Variants in ECHS1 observed in about 807,000 individuals in gnomAD.
ECHS1 encodes enoyl-CoA hydratase, short chain 1.
Under a neutral mutation model 33.5 loss-of-function variants are expected in ECHS1, and 19 were observed. The observed-to-expected ratio is 0.57, with a 90% confidence interval of 0.40 to 0.83. The LOEUF is 0.83. Among genes scored for constraint, ECHS1 ranks in the 40% least tolerant of loss-of-function variants. The pLI, the probability that ECHS1 is intolerant of heterozygous loss-of-function variation, is 0.00. For synonymous variants in ECHS1, 158 were observed against 146.6 expected, an observed-to-expected ratio of 1.08 and a Z score of -0.56; for missense variants, 365 against 381.3, an observed-to-expected ratio of 0.96 and a Z score of 0.36.
In ECHS1 at chr10:133,362,722, G is replaced by A. The variant is rs1201772883; in HGVS notation, c.*146C>T. 1 of 851,658 alleles carries A rather than the reference G, an allele frequency of 1.2e-6. No individual in the cohort carries two copies. The highest frequency in any genetic ancestry group is 1.9e-6 in the Non-Finnish European group (1 of 520,168). The allele number at this position is 851,658 out of a possible 1,614,324, so 52.8% of individuals were successfully genotyped here. A position where few individuals can be genotyped will look rare whatever the true frequency, so the allele number is the denominator to read the frequency against. On this transcript the variant is annotated 3_prime_UTR_variant, in exon 8 of 8. Transcript: ENST00000368547. ...TGACGAAGGCTGTCATGCCGTGAGA[G>A]GTCGGGCCACGACCACGCAGCAATT...
Position 133,373,324 on chromosome 10 carries a change from G to A in ECHS1, c.10C>T (p.Leu4=), listed in dbSNP as rs375893006. MAA[L]RVLLSCVRGP... ...CGGACGCAGGACAGCAGGACACGCA[G>A]GGCGGCCATGGCTCTCTGGACTCCT... The change falls in exon 1 of 8, where the codon CTG becomes TTG. Residue 4 remains leucine (L), a synonymous_variant. Transcript: ENST00000368547. 1,306 of 1,503,184 alleles carry A rather than the reference G, an allele frequency of 8.7e-4. No homozygotes were observed. The highest frequency in any genetic ancestry group is 1.1e-3 in the Non-Finnish European group (1,190 of 1,132,078). The allele number at this position is 1,503,184 out of a possible 1,614,324, so 93.1% of individuals were successfully genotyped here.
chr10:133,370,721 CCT>C lies in ECHS1; in HGVS notation c.123_124del (p.Gly42GlufsTer3), dbSNP rs746519257. On this transcript the variant is annotated frameshift_variant, in exon 2 of 8. Coordinates refer to ENST00000368547, the MANE Select transcript of ECHS1 (RefSeq NM_004092.4). LOFTEE classifies it high-confidence loss of function. ...GATCAACCCCACGGTGTTATTCTTC[CCT>C]CTTTTTTCTGCGATGATGTACTCAA... The C allele has an allele frequency of 1.1e-4, 178 of 1,612,424 alleles. No homozygotes were observed. Among genetic ancestry groups the C allele is most frequent in the South Asian group, 2.1e-4 (19 of 90,814 alleles).
At chr10:133,363,950 T>C (rs1481133549) in intron 7 of ECHS1, among the ~76,000 whole-genome samples, 2 of 151,406 alleles carry the variant, frequency 1.3e-5, no homozygotes, top group Non-Finnish European at 2.9e-5. Context: ...TAAAATGAGT[T>C]ACATTTTTTT....
In ECHS1 at chr10:133,364,936, G is replaced by A. The variant is rs556274861; in HGVS notation, c.740-211C>T. Among the ~76,000 whole-genome samples, 10 of 152,256 alleles carry A rather than the reference G, an allele frequency of 6.6e-5. No homozygotes were observed. In the East Asian group the frequency reaches 1.2e-3, roughly 18 times the overall value. ...AACAGCTCTGCTATGGCCCCCAAAC[G>A]TCACACTCCGGTAGCCCACGGCCCC... On this transcript the variant is annotated intron_variant, in intron 6 of 7. Transcript: ENST00000368547.
At chr10:133,369,813 GC>G in intron 3 of ECHS1, 90 bp downstream of exon 3, 2 of 1,513,314 alleles carry the variant, frequency 1.3e-6, no homozygotes, top group Admixed American at 4.0e-5. Flanking sequence ...GGAACTAAAG[GC>G]CTCTTCAAAA....
At chr10:133,373,166 G>T in intron 1 of ECHS1, 80 bp downstream of exon 1, 1 of 1,175,934 alleles carries the variant, frequency 8.5e-7, no homozygotes, top group Non-Finnish European at 1.1e-6. Context: ...TGGGAGGGGG[G>T]TGCGGTCTGG....
At chr10:133,371,477 C>T (rs1156272871) in intron 1 of ECHS1, 1 of 154,546 alleles carries the variant, frequency 6.5e-6, no homozygotes, top group African/African-American at 2.4e-5. Context: ...CAGCTCCTTG[C>T]ACTTGGTACC....
rs540787638 is a variant in ECHS1 at position 133,373,274 on chromosome 10, G to T, written c.60C>A (p.Arg20=). ...CVRGPLRPPV[R]CPAWRPFASG... ...AGGCGAAGGGACGCCAGGCGGGACA[G>T]CGAACCGGGGGCCTCAGCGGGCCGC... Residue 20 remains arginine, a synonymous_variant, in exon 1 of 8, where the codon CGC becomes CGA. Coordinates refer to ENST00000368547, the MANE Select transcript of ECHS1 (RefSeq NM_004092.4). 1.2e-5 allele frequency: 18 copies of T among 1,464,776 alleles called. No homozygotes were observed. Among genetic ancestry groups the T allele is most frequent in the Non-Finnish European group, 1.3e-5 (15 of 1,114,756 alleles). The allele number at this position is 1,464,776 out of a possible 1,614,324, so 90.7% of individuals were successfully genotyped here.
At position 133,362,706 on chromosome 10, in the gene ECHS1, C is replaced by T; in HGVS notation, c.*162G>A. The T allele has an allele frequency of 1.4e-6, 1 of 735,590 alleles. No individual in the cohort carries two copies. Among genetic ancestry groups the T allele is most frequent in the Non-Finnish European group, 2.3e-6 (1 of 428,678 alleles). 45.6% of individuals were successfully genotyped at this position (735,590 alleles called of 1,614,324 possible). Reference sequence around the variant, plus strand: ...ACCCTCACAGGCTGGGTGACGAAGGCTGTCATGCCGTGAGAGGTCGGGCCA... The same window carrying T: ...ACCCTCACAGGCTGGGTGACGAAGGTTGTCATGCCGTGAGAGGTCGGGCCA... On this transcript the variant is annotated 3_prime_UTR_variant, in exon 8 of 8. Transcript: ENST00000368547.
intron 6 of ECHS1, among the ~76,000 whole-genome samples, chr10:133,365,165 C>T (rs1013349209): frequency 3.6e-4 from 55 of 152,376 alleles, no homozygotes; most frequent in Admixed American, 3.6e-3. Context: ...TTGCACGAGG[C>T]CAAGCAGAGC....
At chr10:133,370,884 C>G (rs1014540826) in intron 1 of ECHS1, 127 bp from the exon 2 acceptor site, 2 of 868,244 alleles carry the variant, frequency 2.3e-6, no homozygotes, top group African/African-American at 3.4e-5. Flanking sequence ...GGCTCCCTGC[C>G]GAGTCCTCAG....
At chr10:133,371,469 GCTC>G (rs1344140914) in intron 1 of ECHS1, 1 of 154,566 alleles carries the variant, frequency 6.5e-6, no homozygotes, top group Non-Finnish European at 1.5e-5. Flanking sequence ...GTGTAAGGCA[GCTC>G]CTTGCACTTG....
intron 2 of ECHS1, among the ~76,000 whole-genome samples, chr10:133,370,244 G>A (rs1238924265): frequency 6.6e-6 from 1 of 152,244 alleles, no homozygotes; most frequent in African/African-American, 2.4e-5. Context: ...GCAGGCAGCA[G>A]GTGCAAGGGA....
chr10:133,370,099 G>A, intron 2 of ECHS1, 68 bp from the exon 3 acceptor site: 1 of 1,586,364 alleles, frequency 6.3e-7, no homozygotes, highest in Non-Finnish European at 8.6e-7. Flanking sequence ...ATATCTCTCA[G>A]ACCAACAAGG....
At chr10:133,369,073 A>G in intron 3 of ECHS1, 51 bp from the exon 4 acceptor site, 1 of 1,551,408 alleles carries the variant, frequency 6.4e-7, no homozygotes, top group Non-Finnish European at 8.9e-7. Context: ...CCCAGTCAGA[A>G]ATCACTCTGC....
chr10:133,363,355 G>GCGCA (rs1045264213), intron 7 of ECHS1, among the ~76,000 whole-genome samples: 12 of 144,888 alleles, frequency 8.3e-5, no homozygotes, highest in African/African-American at 2.8e-4. Flanking sequence ...GTGCGCGCGC[G>GCGCA]CACACACACA....
chr10:133,362,756 A>C lies in ECHS1; in HGVS notation c.*112T>G. On this transcript the variant is annotated 3_prime_UTR_variant, in exon 8 of 8. Coordinates refer to ENST00000368547, the MANE Select transcript of ECHS1 (RefSeq NM_004092.4). The stretch of plus-strand genomic sequence containing the variant: ...ACGACCACGCAGCAATTGGAGAGGA[A>C]CTGCACACCACGGACACTGCTCTTG... The C allele has an allele frequency of 8.1e-7, 1 of 1,240,756 alleles. No homozygotes were observed. Among genetic ancestry groups the C allele is most frequent in the Non-Finnish European group, 1.2e-6 (1 of 844,690 alleles). 76.9% of individuals were successfully genotyped at this position (1,240,756 alleles called of 1,614,324 possible). A position where few individuals can be genotyped will look rare whatever the true frequency, so the allele number is the denominator to read the frequency against.
intron 1 of ECHS1, among the ~76,000 whole-genome samples, chr10:133,371,157 G>A (rs942787269): frequency 3.3e-5 from 5 of 151,968 alleles, no homozygotes; most frequent in Admixed American, 1.3e-4. Flanking sequence ...GGCGCCTGTA[G>A]TCCCAGCTAC....
chr10:133,368,208 C>T (rs1849057491), intron 4 of ECHS1, among the ~76,000 whole-genome samples: 1 of 152,196 alleles, frequency 6.6e-6, no homozygotes, highest in African/African-American at 2.4e-5. Context: ...GGGCCCTCCC[C>T]AGCCTCTGTG....
Sources: gnomAD v4.1 joint callset for allele counts (sites outside exome capture counted in the v4.1 genomes callset) on GRCh38, gnomAD v4.1.1 for gene constraint, MANE v1.5 for transcripts, NCBI Gene and HGNC (gene_info 2026-07-23, HGNC 2026-07-21) for gene names.